Variants in DTD1 observed in about 807,000 individuals in gnomAD.
The protein encoded by DTD1 is D-aminoacyl-tRNA deacylase 1.
Under a neutral mutation model 25.6 loss-of-function variants are expected in DTD1, and 13 were observed. That is an observed-to-expected ratio of 0.51 (90% CI 0.33 to 0.81). DTD1 has a LOEUF of 0.81. DTD1 is among the 30% of genes least tolerant of loss of function. The pLI, the probability that DTD1 is intolerant of heterozygous loss-of-function variation, is 0.02. For synonymous variants in DTD1, 110 were observed against 103.6 expected (o/e 1.06, Z -0.37); for missense variants, 193 against 266.4 (o/e 0.72, Z 1.92).
At chr20:18,616,876 A>T (rs1055814535) in intron 3 of DTD1, among the ~76,000 whole-genome samples, 1 of 152,234 alleles carries the variant, frequency 6.6e-6, no homozygotes, top group African/African-American at 2.4e-5. Flanking sequence ...TAATGGCAGC[A>T]TGCCTTATGC....
At chr20:18,726,649 G>A (rs1054626541) in intron 4 of DTD1, among the ~76,000 whole-genome samples, 2 of 152,196 alleles carry the variant, frequency 1.3e-5, no homozygotes, top group African/African-American at 4.8e-5. Context: ...ACTTAGTGGG[G>A]AGTGTTGATA....
chr20:18,758,271 T>G (rs1319687635), intron 5 of DTD1, among the ~76,000 whole-genome samples: 8 of 152,210 alleles, frequency 5.3e-5, no homozygotes. Context: ...CTCTATTTCC[T>G]TCAGTTCTGC....
At position 18,597,073 on chromosome 20, in the gene DTD1, T is replaced by C. The variant is rs1159843421; in HGVS notation, c.370+832T>C. Among the ~76,000 whole-genome samples the C allele has an allele frequency of 3.9e-5, 6 of 152,090 alleles. No individual in the cohort carries two copies. The South Asian group carries it at 1.2e-3, about 32-fold the overall frequency. On this transcript the variant is annotated intron_variant, in intron 3 of 5. Coordinates refer to ENST00000377452, the MANE Select transcript of DTD1 (RefSeq NM_080820.6). ...TATTTTTTATTTTATTTTTATGATT[T>C]TGTTTCTTTTTCTGTTCTGGCTTCT...
chr20:18,756,860 C>T (rs1345433535), intron 5 of DTD1, among the ~76,000 whole-genome samples: 1 of 151,914 alleles, frequency 6.6e-6, no homozygotes, highest in Non-Finnish European at 1.5e-5. Flanking sequence ...TAACCTTGGG[C>T]AGTATGGCCA....
chr20:18,712,826 C>T (rs1303966650), intron 4 of DTD1, among the ~76,000 whole-genome samples: 9 of 152,204 alleles, frequency 5.9e-5, no homozygotes, highest in East Asian at 1.9e-4. Flanking sequence ...GTGTGGACAC[C>T]GGAATGTTTT....
chr20:18,698,762 ACAGT>A (rs1568673297), intron 4 of DTD1: 1 of 152,228 alleles, frequency 6.6e-6, no homozygotes, highest in Non-Finnish European at 1.5e-5. Context: ...GCTGAAAGTC[ACAGT>A]CAAATAGAAT....
chr20:18,600,851 G>T (rs1262493775), intron 3 of DTD1, among the ~76,000 whole-genome samples: 11 of 151,850 alleles, frequency 7.2e-5, no homozygotes, highest in Non-Finnish European at 1.3e-4. Flanking sequence ...CATTCTGAGG[G>T]GTGCTAATGT....
At chr20:18,670,461 C>G (rs1180699355) in intron 4 of DTD1, among the ~76,000 whole-genome samples, 1 of 152,136 alleles carries the variant, frequency 6.6e-6, no homozygotes, top group East Asian at 1.9e-4. Context: ...GTCTCAAAAA[C>G]AAGCAAACAA....
intron 3 of DTD1, among the ~76,000 whole-genome samples, chr20:18,601,237 C>A (rs575472606): frequency 1.3e-5 from 2 of 152,070 alleles, no homozygotes; most frequent in Non-Finnish European, 2.9e-5. Context: ...TCGTGCTTCA[C>A]GCCTGTAATC....
intron 4 of DTD1, among the ~76,000 whole-genome samples, chr20:18,670,563 ACT>A: frequency 6.6e-6 from 1 of 152,238 alleles, no homozygotes; most frequent in East Asian, 1.9e-4. Context: ...AGAACTTAAA[ACT>A]CTGCCACAGC....
At chr20:18,612,674 T>G (rs1159405727) in intron 3 of DTD1, among the ~76,000 whole-genome samples, 1 of 151,978 alleles carries the variant, frequency 6.6e-6, no homozygotes, top group African/African-American at 2.4e-5. Flanking sequence ...TTTTTTTTAT[T>G]TTGCGACAGA....
intron 4 of DTD1, among the ~76,000 whole-genome samples, chr20:18,717,738 G>A (rs2061186801): frequency 6.6e-6 from 1 of 152,176 alleles, no homozygotes; most frequent in African/African-American, 2.4e-5. Context: ...GATTGCAAGA[G>A]TTCTTGTTAC....
chr20:18,708,390 C>T (rs2061144460), intron 4 of DTD1, among the ~76,000 whole-genome samples: 1 of 128,818 alleles, frequency 7.8e-6, no homozygotes. Context: ...AAGTCTCACT[C>T]TGTCGCCCAG....
intron 4 of DTD1, among the ~76,000 whole-genome samples, chr20:18,703,974 A>G (rs747214416): frequency 2.7e-4 from 41 of 151,292 alleles, no homozygotes; most frequent in South Asian, 1.3e-3. Flanking sequence ...GGGTAGATTA[A>G]CATAAGTAAT....
chr20:18,647,927 A>G (rs1330838589), intron 4 of DTD1, among the ~76,000 whole-genome samples: 1 of 152,144 alleles, frequency 6.6e-6, no homozygotes, highest in Non-Finnish European at 1.5e-5. Context: ...GGCAGGGGCC[A>G]GGGGAGAGTG....
At chr20:18,629,449 C>T (rs369982569) in intron 4 of DTD1, among the ~76,000 whole-genome samples, 34 of 151,508 alleles carry the variant, frequency 2.2e-4, no homozygotes, top group Admixed American at 5.9e-4. Context: ...TACAGGCATA[C>T]GCTACCATGC....
At chr20:18,742,719 A>G (rs150540401) in intron 4 of DTD1, among the ~76,000 whole-genome samples, 158 of 152,290 alleles carry the variant, frequency 1.0e-3, no homozygotes, top group Non-Finnish European at 2.0e-3. Context: ...CACTACTATA[A>G]GTCAATTATT....
chr20:18,610,242 A>G (rs930700586), intron 3 of DTD1, among the ~76,000 whole-genome samples: 1 of 152,176 alleles, frequency 6.6e-6, no homozygotes, highest in African/African-American at 2.4e-5. Flanking sequence ...GGGTGTTTGT[A>G]TTCCTAAAAA....
chr20:18,704,073 T>G (rs1192001638), intron 4 of DTD1, among the ~76,000 whole-genome samples: 1 of 151,284 alleles, frequency 6.6e-6, no homozygotes, highest in Non-Finnish European at 1.5e-5. Flanking sequence ...CAATCTTGGC[T>G]CACTGCAAGC....
Sources: allele counts gnomAD v4.1 joint callset (sites outside exome capture counted in the v4.1 genomes callset), GRCh38; gene constraint gnomAD v4.1.1; transcripts MANE v1.5; gene names NCBI Gene and HGNC (gene_info 2026-07-23, HGNC 2026-07-21).